The following NTM variants were observed in gnomAD, a reference collection of about 807,000 sequenced individuals.
The protein encoded by NTM is IgLON family member 2.
NTM carries 13 observed loss-of-function variants against 42.1 expected under a neutral mutation model. The observed-to-expected ratio is 0.31, with a 90% CI of 0.20 to 0.49. The LOEUF (loss-of-function observed/expected upper bound fraction) is 0.49. NTM is among the 20% of genes least tolerant of loss of function. The pLI is 0.99. For missense variants in NTM, 373 were observed against 452.8 expected (o/e 0.82, Z 1.60); for synonymous variants, 187 against 179.2 (o/e 1.04, Z -0.35).
intron 2 of NTM, among the ~76,000 whole-genome samples, chr11:132,012,672 G>A (rs1184857801): frequency 6.6e-6 from 1 of 152,092 alleles, no homozygotes; most frequent in Non-Finnish European, 1.5e-5. Context: ...CTCTTCTCTT[G>A]ATTAATTTAA....
chr11:131,414,105 G>A (rs1334892727), intron 1 of NTM, among the ~76,000 whole-genome samples: 4 of 152,160 alleles, frequency 2.6e-5, no homozygotes, highest in African/African-American at 9.7e-5. Flanking sequence ...TGTCGCTCCT[G>A]AACTCTTGAA....
intron 2 of NTM, among the ~76,000 whole-genome samples, chr11:132,111,494 G>A (rs1195907498): frequency 6.6e-6 from 1 of 152,140 alleles, no homozygotes; most frequent in East Asian, 1.9e-4. Context: ...CAACACAGAG[G>A]TTTGGACACA....
At chr11:131,731,034 C>T (rs766382071) in intron 1 of NTM, among the ~76,000 whole-genome samples, 52 of 152,266 alleles carry the variant, frequency 3.4e-4, no homozygotes, top group Middle Eastern at 6.8e-3. Flanking sequence ...TGATGAAATA[C>T]TTTTAAGTTT....
Position 132,335,129 on chromosome 11 carries a change from C to CT in NTM, c.1052dup (p.Leu352AlafsTer7), listed in dbSNP as rs2095862407. On this transcript the variant is annotated frameshift_variant, in exon 9 of 9. Transcript: ENST00000683400. LOFTEE classifies it high-confidence loss of function. ...GCTGCTGCCTCTTCTGGTCTTGCACCTGCTTCTCAAATTTTGATGTGAGTG... is the reference window on the plus strand; with the variant it reads ...GCTGCTGCCTCTTCTGGTCTTGCACCTTGCTTCTCAAATTTTGATGTGAGTG... 2 of 1,612,640 alleles carry CT rather than the reference C, an allele frequency of 1.2e-6. No homozygotes were observed. The highest frequency in any genetic ancestry group is 1.7e-6 in the Non-Finnish European group (2 of 1,179,988).
intron 1 of NTM, among the ~76,000 whole-genome samples, chr11:131,632,126 A>G (rs2063716950): frequency 6.6e-6 from 1 of 152,098 alleles, no homozygotes; most frequent in Non-Finnish European, 1.5e-5. Flanking sequence ...TGTATTATGT[A>G]CTTGAATATT....
At chr11:132,090,245 G>T (rs2060226104) in intron 2 of NTM, among the ~76,000 whole-genome samples, 1 of 152,148 alleles carries the variant, frequency 6.6e-6, no homozygotes. Flanking sequence ...AATCTGCCTG[G>T]CAATTAAGCA....
intron 1 of NTM, among the ~76,000 whole-genome samples, chr11:131,383,249 C>A (rs1275464515): frequency 1.3e-5 from 2 of 152,172 alleles, no homozygotes; most frequent in African/African-American, 4.8e-5. Context: ...ATATTTCATC[C>A]ACTTCAGAAT....
chr11:131,755,486 C>A (rs1263269319), intron 1 of NTM, among the ~76,000 whole-genome samples: 2 of 152,148 alleles, frequency 1.3e-5, no homozygotes, highest in African/African-American at 4.8e-5. Context: ...CAGCTAAATT[C>A]TAATTTCTGA....
chr11:131,956,817 T>C (rs990087549), intron 2 of NTM, among the ~76,000 whole-genome samples: 2 of 152,130 alleles, frequency 1.3e-5, no homozygotes, highest in Non-Finnish European at 2.9e-5. Context: ...AGCATCAGCC[T>C]GAAGCCAGGC....
At position 131,499,605 on chromosome 11, in the gene NTM, C is replaced by T. The variant is rs1246745798; in HGVS notation, c.82+128717C>T. Among the ~76,000 whole-genome samples, 3 of 152,242 alleles carry T rather than the reference C, an allele frequency of 2.0e-5. No individual in the cohort carries two copies. In the East Asian group the frequency reaches 5.8e-4, roughly 29 times the overall value. ...GCTTTAAACACTAACCTGGCTTTCCCTTCTTCTTGAGGAAAAAAGTTCAAA... is the reference window on the plus strand; with the variant it reads ...GCTTTAAACACTAACCTGGCTTTCCTTTCTTCTTGAGGAAAAAAGTTCAAA... On this transcript the variant is annotated intron_variant, in intron 1 of 8. Coordinates refer to ENST00000683400, the MANE Select transcript of NTM (RefSeq NM_001352005.2).
At chr11:131,419,496 G>C (rs947534240) in intron 1 of NTM, among the ~76,000 whole-genome samples, 11 of 152,126 alleles carry the variant, frequency 7.2e-5, no homozygotes, top group Non-Finnish European at 1.3e-4. Context: ...GGGATGAAAA[G>C]AGCAGACAGA....
chr11:132,294,685 G>A (rs1370409652), intron 4 of NTM, among the ~76,000 whole-genome samples: 1 of 152,126 alleles, frequency 6.6e-6, no homozygotes, highest in Non-Finnish European at 1.5e-5. Context: ...CCAAGCAGGT[G>A]CAGGAAAGTC....
chr11:132,163,294 G>A (rs905882773), intron 3 of NTM, among the ~76,000 whole-genome samples: 4 of 152,188 alleles, frequency 2.6e-5, no homozygotes, highest in Admixed American at 1.3e-4. Flanking sequence ...ACAATGACTC[G>A]GGTGCCCCTA....
At chr11:131,880,204 T>C (rs1335996621) in intron 1 of NTM, among the ~76,000 whole-genome samples, 3 of 152,208 alleles carry the variant, frequency 2.0e-5, no homozygotes, top group African/African-American at 7.2e-5. Flanking sequence ...AGACTAGTTT[T>C]GAGATTGACT....
intron 4 of NTM, among the ~76,000 whole-genome samples, chr11:132,265,001 T>C (rs2093094627): frequency 6.6e-6 from 1 of 152,152 alleles, no homozygotes; most frequent in Non-Finnish European, 1.5e-5. Context: ...AATCAACATA[T>C]GAATTTGGGG....
intron 2 of NTM, among the ~76,000 whole-genome samples, chr11:132,085,207 A>G (rs2059553463): frequency 6.6e-6 from 1 of 152,266 alleles, no homozygotes; most frequent in African/African-American, 2.4e-5. Context: ...TACTAAAGAC[A>G]CATTTTACTG....
chr11:132,119,697 A>G (rs1345737811), intron 2 of NTM, among the ~76,000 whole-genome samples: 2 of 152,232 alleles, frequency 1.3e-5, no homozygotes, highest in African/African-American at 2.4e-5. Flanking sequence ...GTCCCGTGGC[A>G]TCACGCCTCT....
chr11:132,028,837 G>T (rs2075545458), intron 2 of NTM, among the ~76,000 whole-genome samples: 1 of 152,100 alleles, frequency 6.6e-6, no homozygotes, highest in African/African-American at 2.4e-5. Context: ...CCCCCTGCTG[G>T]ATGCATGAGG....
chr11:132,075,705 C>A (rs527496535), intron 2 of NTM, among the ~76,000 whole-genome samples: 2 of 152,260 alleles, frequency 1.3e-5, no homozygotes, highest in Non-Finnish European at 2.9e-5. Flanking sequence ...CTAAAGAATT[C>A]TTTTAGCACA....
Sources: gnomAD v4.1 joint callset for allele counts (sites outside exome capture counted in the v4.1 genomes callset) on GRCh38, gnomAD v4.1.1 for gene constraint, MANE v1.5 for transcripts, NCBI Gene and HGNC (gene_info 2026-07-23, HGNC 2026-07-21) for gene names.